Variants in ANKRD28 observed in about 807,000 individuals in gnomAD.
ANKRD28 encodes the protein serine/threonine-protein phosphatase 6 regulatory ankyrin repeat subunit A.
Under a neutral mutation model 126.5 loss-of-function variants are expected in ANKRD28, and 44 were observed. The ratio of observed to expected loss-of-function variants is 0.35; its 90% CI spans 0.27 to 0.45. The LOEUF is 0.45. Among genes scored for constraint, ANKRD28 ranks in the 20% least tolerant of loss-of-function variants. The pLI is 1.00. For missense variants in ANKRD28, 1,110 were observed against 1,316.6 expected (o/e 0.84, Z 2.43); for synonymous variants, 442 against 468.5 (o/e 0.94, Z 0.73).
In ANKRD28 at chr3:15,847,754, T is replaced by C. The variant is rs374019305; in HGVS notation, c.27+11623A>G. Among the ~76,000 whole-genome samples, 21 of 152,332 alleles carry C rather than the reference T, an allele frequency of 1.4e-4. No individual in the cohort carries two copies. The South Asian group carries it at 3.7e-3, about 27-fold the overall frequency. ...TCTTAGGTAAAAACCACTTTTCAAA[T>C]GGATAACACTTACTACCAGTTCCAC... On this transcript the variant is annotated intron_variant, in intron 1 of 27. Coordinates refer to the ANKRD28 transcript ENST00000399451.
intron 6 of ANKRD28, 82 bp from the exon 7 acceptor site, chr3:15,724,606 T>C: frequency 7.4e-7 from 1 of 1,344,120 alleles, no homozygotes; most frequent in Non-Finnish European, 1.0e-6. Flanking sequence ...TTTAAGCAAA[T>C]TTAAAAAATG....
At position 15,728,385 on chromosome 3, in the gene ANKRD28, C is replaced by G. The variant is rs367997187; in HGVS notation, c.641-3861G>C. On this transcript the variant is annotated intron_variant, in intron 6 of 27. Coordinates refer to ENST00000683139, the MANE Select transcript of ANKRD28 (RefSeq NM_001349278.2). ...TCAATCTCACTGTAACCTCAAACTC[C>G]TAGATTCAGGTGATCCTCCCACCTC... 2.8e-3 allele frequency among the ~76,000 whole-genome samples: 425 copies of G among 152,284 alleles called. 1 individual carries two copies. The highest frequency in any genetic ancestry group is 9.8e-3 in the African/African-American group (409 of 41,568).
intron 7 of ANKRD28, 99 bp downstream of exon 7, chr3:15,724,283 G>A (rs893090850): frequency 2.9e-6 from 3 of 1,031,658 alleles, no homozygotes; most frequent in Non-Finnish European, 4.1e-6. Context: ...TGAAAACATT[G>A]TATAAAATAA....
intron 2 of ANKRD28, 24 bp downstream of exon 2, chr3:15,795,199 G>T (rs781112510): frequency 2.0e-6 from 3 of 1,475,242 alleles, no homozygotes; most frequent in Non-Finnish European, 2.8e-6. Flanking sequence ...TTAAAGGCTG[G>T]CATCAGTGAA....
chr3:15,695,122 T>A, intron 16 of ANKRD28, 66 bp downstream of exon 16: 4 of 1,286,140 alleles, frequency 3.1e-6, no homozygotes, highest in Non-Finnish European at 3.3e-6. Flanking sequence ...AGCAAACAGA[T>A]AAACATAACT....
Position 15,836,187 on chromosome 3 carries a change from A to C in ANKRD28, c.27+23190T>G, listed in dbSNP as rs149927070. ...AATGTTTTTCTCTTTCTTCTTTAAA[A>C]GATAAACTCTATACAAAGCAATAAT... On this transcript the variant is annotated intron_variant, in intron 1 of 27. Coordinates refer to the ANKRD28 transcript ENST00000399451. 8.5e-5 allele frequency among the ~76,000 whole-genome samples: 13 copies of C among 152,268 alleles called. No homozygotes were observed. The East Asian group carries it at 1.9e-3, about 23-fold the overall frequency.
upstream of ANKRD28, chr3:15,798,016 G>GA: frequency 1.0e-6 from 1 of 985,312 alleles, no homozygotes; most frequent in Middle Eastern, 5.2e-4. Context: ...TCTAGCAGGA[G>GA]AAAAAAATAG....
chr3:15,701,823 T>G (rs1209432987), intron 14 of ANKRD28, among the ~76,000 whole-genome samples: 1 of 152,158 alleles, frequency 6.6e-6, no homozygotes, highest in Non-Finnish European at 1.5e-5. Flanking sequence ...GTGTGTAAAC[T>G]CTGTACACAG....
chr3:15,681,455 G>A (rs2067538009), intron 21 of ANKRD28, among the ~76,000 whole-genome samples: 1 of 152,076 alleles, frequency 6.6e-6, no homozygotes, highest in Admixed American at 6.5e-5. Context: ...TCCAGAGCCA[G>A]GGTTTTAATT....
chr3:15,753,824 G>C (rs1047448865), intron 3 of ANKRD28, among the ~76,000 whole-genome samples: 2 of 152,060 alleles, frequency 1.3e-5, no homozygotes, highest in African/African-American at 4.8e-5. Flanking sequence ...GCGTGCACCT[G>C]TAAGTCTAAT....
At chr3:15,733,636 G>C (rs1321224840) in intron 6 of ANKRD28, among the ~76,000 whole-genome samples, 1 of 152,180 alleles carries the variant, frequency 6.6e-6, no homozygotes, top group Non-Finnish European at 1.5e-5. Context: ...ACAAAGGAGA[G>C]AGATAAGGTA....
In ANKRD28 at chr3:15,791,054, C is replaced by T. The variant is rs116684135; in HGVS notation, c.201+4169G>A. 4.6e-3 allele frequency among the ~76,000 whole-genome samples: 702 copies of T among 152,032 alleles called. 3 individuals are homozygous for T. The highest frequency in any genetic ancestry group is 0.016 in the African/African-American group (664 of 41,488). ...CAATAGCCATACATAAAATTAAATA[C>T]TTAGGAATTAACCAAAGAAGTAAAA... is the stretch of plus-strand genomic sequence containing the variant. On this transcript the variant is annotated intron_variant, in intron 2 of 27. Transcript: ENST00000683139.
At chr3:15,684,697 G>A (rs1223083363) in intron 21 of ANKRD28, 2 of 154,416 alleles carry the variant, frequency 1.3e-5, no homozygotes, top group Non-Finnish European at 2.9e-5. Flanking sequence ...ACCAGCCTGG[G>A]CAACATAGTG....
intron 1 of ANKRD28, among the ~76,000 whole-genome samples, chr3:15,805,077 A>G (rs899214659): frequency 1.4e-5 from 2 of 145,046 alleles, no homozygotes; most frequent in African/African-American, 5.2e-5. Flanking sequence ...TGTAGATTCA[A>G]CAGTTACACA....
chr3:15,736,537 T>G (rs1279757699), intron 5 of ANKRD28, among the ~76,000 whole-genome samples: 1 of 152,194 alleles, frequency 6.6e-6, no homozygotes, highest in Non-Finnish European at 1.5e-5. Context: ...CTCTAAATCT[T>G]TGGTGTACAC....
chr3:15,770,323 A>G (rs1383619593), intron 2 of ANKRD28, among the ~76,000 whole-genome samples: 1 of 151,410 alleles, frequency 6.6e-6, no homozygotes, highest in East Asian at 1.9e-4. Flanking sequence ...AGCATTTATC[A>G]GAGCAATGTA....
intron 1 of ANKRD28, among the ~76,000 whole-genome samples, chr3:15,837,569 A>G (rs1402412963): frequency 2.0e-5 from 3 of 152,226 alleles, no homozygotes; most frequent in African/African-American, 7.2e-5. Context: ...AAAAATCACA[A>G]AGGAATTTAG....
chr3:15,818,054 T>C (rs567940139), intron 1 of ANKRD28, among the ~76,000 whole-genome samples: 159 of 152,258 alleles, frequency 1.0e-3, no homozygotes, highest in African/African-American at 3.7e-3. Context: ...ACAAAATATG[T>C]ACAGATTATG....
rs2060311105 is a variant in ANKRD28, at chr3:15,797,132, C to T, written c.-611G>A. ...CTATTCACAGAAAAAAGATCTAGAG[C>T]TCAGCACAAATCCTGAAAATGAAGC... is the stretch of plus-strand genomic sequence containing the variant. On this transcript the variant is annotated 5_prime_UTR_variant, in exon 1 of 28. Coordinates refer to ENST00000683139, the MANE Select transcript of ANKRD28 (RefSeq NM_001349278.2). The T allele has an allele frequency of 1.0e-6, 1 of 983,816 alleles. No individual in the cohort carries two copies. Among genetic ancestry groups the T allele is most frequent in the African/African-American group, 1.8e-5 (1 of 56,782 alleles). The allele number at this position is 983,816 out of a possible 1,614,324, so 60.9% of individuals were successfully genotyped here.
Sources: gnomAD v4.1 joint callset for allele counts (sites outside exome capture counted in the v4.1 genomes callset) on GRCh38, gnomAD v4.1.1 for gene constraint, MANE v1.5 for transcripts, NCBI Gene and HGNC (gene_info 2026-07-23, HGNC 2026-07-21) for gene names.